The following SLC22A2 variants were observed in gnomAD, a reference collection of about 807,000 sequenced individuals.
SLC22A2 encodes the protein solute carrier family 22 member 2.
SLC22A2 carries 46 observed loss-of-function variants against 60.5 expected under a neutral mutation model. That is an observed-to-expected ratio of 0.76 (90% CI 0.60 to 0.97). SLC22A2 has a LOEUF of 0.97. Ranked by LOEUF, SLC22A2 falls within the 50% of genes least tolerant of loss-of-function variation. The pLI is 0.00. For synonymous variants in SLC22A2, 303 were observed against 267.0 expected (o/e 1.13, Z -1.31); for missense variants, 701 against 706.6 (o/e 0.99, Z 0.09).
chr6:160,219,634 A>G (rs564380213), intron 10 of SLC22A2, among the ~76,000 whole-genome samples: 3 of 150,908 alleles, frequency 2.0e-5, no homozygotes, highest in African/African-American at 7.3e-5. Flanking sequence ...AGTGGGGTTA[A>G]TAATAATAAC....
At chr6:160,231,783 C>T (rs1043250003) in intron 9 of SLC22A2, among the ~76,000 whole-genome samples, 7 of 151,892 alleles carry the variant, frequency 4.6e-5, no homozygotes, top group Admixed American at 2.6e-4. Flanking sequence ...TTTCCCCACT[C>T]CCCTTTCCAT....
chr6:160,252,253 A>G (rs1431324623), intron 2 of SLC22A2, among the ~76,000 whole-genome samples: 1 of 152,210 alleles, frequency 6.6e-6, no homozygotes, highest in Non-Finnish European at 1.5e-5. Flanking sequence ...TATAATCTAT[A>G]AACATTGACT....
intron 7 of SLC22A2, 74 bp from the exon 8 acceptor site, chr6:160,242,476 C>T (rs1783026025): frequency 3.4e-6 from 3 of 874,834 alleles, no homozygotes; most frequent in Non-Finnish European, 5.9e-6. Context: ...CAGAGTGGGA[C>T]TGTAAGGACA....
intron 4 of SLC22A2, among the ~76,000 whole-genome samples, chr6:160,248,441 T>C (rs770898153): frequency 5.3e-5 from 8 of 152,182 alleles, no homozygotes; most frequent in Non-Finnish European, 1.0e-4. Context: ...CAGAGTTTTA[T>C]TGGCTTTTGG....
At chr6:160,229,476 C>T (rs745895016) in intron 9 of SLC22A2, among the ~76,000 whole-genome samples, 2 of 151,882 alleles carry the variant, frequency 1.3e-5, no homozygotes, top group East Asian at 1.9e-4. Flanking sequence ...TGGTCATTCA[C>T]CCACATTCCT....
intron 9 of SLC22A2, among the ~76,000 whole-genome samples, chr6:160,233,024 C>A (rs541891137): frequency 6.6e-6 from 1 of 151,974 alleles, no homozygotes; most frequent in Admixed American, 6.5e-5. Flanking sequence ...TCGTGGAAAT[C>A]TATCCTCAAG....
rs749467848 is a variant in SLC22A2 at position 160,256,727 on chromosome 6, G to A, written c.415-10C>T. The stretch of plus-strand genomic sequence containing the variant: ...CACATACCAGGTTAAACTGCCAGCA[G>A]GGGAGAAGTGTTCCAAGTTGGGAGA... On this transcript the variant is annotated splice_polypyrimidine_tract_variant and intron_variant, in intron 1 of 10. Transcript: ENST00000366953. The A allele has an allele frequency of 6.3e-7, 1 of 1,581,178 alleles. No homozygotes were observed. Among genetic ancestry groups the A allele is most frequent in the South Asian group, 1.1e-5 (1 of 90,210 alleles).
rs185555638 is a variant in SLC22A2, at chr6:160,243,193, T to C, written c.1279+379A>G. 2.6e-5 allele frequency among the ~76,000 whole-genome samples: 4 copies of C among 152,252 alleles called. No homozygotes were observed. In the East Asian group the frequency reaches 7.7e-4, roughly 29 times the overall value. On this transcript the variant is annotated intron_variant, in intron 7 of 10. Transcript: ENST00000366953. ...TTATGGATGGCATTTACTTACATTT[T>C]TCTCATTTATTCTGCAGGTTGATGC...
At chr6:160,242,088 T>C (rs1783018123) in intron 8 of SLC22A2, among the ~76,000 whole-genome samples, 1 of 152,162 alleles carries the variant, frequency 6.6e-6, no homozygotes, top group Non-Finnish European at 1.5e-5. Flanking sequence ...CAATTCAATT[T>C]TCTGTTCTCA....
At chr6:160,231,047 G>T (rs1782815994) in intron 9 of SLC22A2, among the ~76,000 whole-genome samples, 1 of 151,856 alleles carries the variant, frequency 6.6e-6, no homozygotes. Flanking sequence ...TGGAGGGTAA[G>T]TCCGTCCCCT....
At chr6:160,244,192 C>T (rs1293524511) in intron 6 of SLC22A2, 1 of 172,174 alleles carries the variant, frequency 5.8e-6, no homozygotes, top group African/African-American at 2.4e-5. Context: ...TCAAGTTATT[C>T]CCCTGCCTCA....
Position 160,258,431 on chromosome 6 carries a change from G to A in SLC22A2, c.327C>T (p.Ser109=). The A allele has an allele frequency of 6.2e-7, 1 of 1,614,082 alleles. No homozygotes were observed. Among genetic ancestry groups the A allele is most frequent in the Non-Finnish European group, 8.5e-7 (1 of 1,180,022 alleles). The change falls in exon 1 of 11, where the codon AGC becomes AGT. Residue 109 remains serine (S), a synonymous_variant. Coordinates refer to ENST00000366953, the MANE Select transcript of SLC22A2 (RefSeq NM_003058.4). ...GCAGGCGGCTCCTGTTGGTGTCCAG[G>A]CTGGCCAGGGGGTCCACGCAGTCGA... ...STFDCVDPLA[S]LDTNRSRLPL... is the part of the protein sequence containing the mutation.
rs57371881 is a variant in SLC22A2 at position 160,250,694 on chromosome 6, C to T, written c.527G>A (p.Arg176His). 58 of 1,613,390 alleles carry T rather than the reference C, an allele frequency of 3.6e-5. No homozygotes were observed. Among genetic ancestry groups the T allele is most frequent in the Admixed American group, 8.3e-5 (5 of 59,940 alleles). Residue 176 changes from arginine (R) to histidine (H), a missense_variant, in exon 3 of 11, where the codon CGT (arginine) becomes CAT (histidine). By Grantham distance (29) the Arg-to-His change is conservative (BLOSUM62 0). Coordinates refer to ENST00000366953, the MANE Select transcript of SLC22A2 (RefSeq NM_003058.4). ...SIGYIADRFG[R>H]KLCLLTTVLI... The stretch of plus-strand genomic sequence containing the variant: ...GACTGTAGTTAGGAGGCAGAGCTTA[C>T]GGCCAAACCTGCAGGAAGAAAAACA...
At chr6:160,224,970 A>G (rs1782700655) in intron 9 of SLC22A2, among the ~76,000 whole-genome samples, 166 bp from the exon 10 acceptor site, 2 of 152,278 alleles carry the variant, frequency 1.3e-5, no homozygotes, top group East Asian at 1.9e-4. Flanking sequence ...TAAATATTAT[A>G]CCAGTTCCAA....
At chr6:160,237,480 T>C (rs972537190) in intron 9 of SLC22A2, among the ~76,000 whole-genome samples, 2 of 152,206 alleles carry the variant, frequency 1.3e-5, no homozygotes, top group Non-Finnish European at 2.9e-5. Context: ...CTCAGAGTTA[T>C]GAATGGCCCT....
intron 9 of SLC22A2, among the ~76,000 whole-genome samples, chr6:160,227,427 T>C (rs1272775311): frequency 6.6e-6 from 1 of 152,218 alleles, no homozygotes; most frequent in East Asian, 1.9e-4. Context: ...CTTTGTGTTG[T>C]CTTGCTTTTC....
intron 9 of SLC22A2, among the ~76,000 whole-genome samples, chr6:160,238,407 T>A (rs1782947385): frequency 6.6e-6 from 1 of 152,232 alleles, no homozygotes; most frequent in African/African-American, 2.4e-5. Context: ...TCAGCTGGCA[T>A]CTGAATCTCT....
At chr6:160,248,259 C>T (rs747972101) in intron 4 of SLC22A2, among the ~76,000 whole-genome samples, 1 of 152,132 alleles carries the variant, frequency 6.6e-6, no homozygotes, top group Non-Finnish European at 1.5e-5. Flanking sequence ...TTTTTCTTCA[C>T]CATGTGAGGG....
intron 6 of SLC22A2, 92 bp from the exon 7 acceptor site, chr6:160,243,878 T>A: frequency 2.4e-6 from 2 of 828,254 alleles, no homozygotes; most frequent in Admixed American, 2.2e-5. Flanking sequence ...GGATTGTAGG[T>A]CACCTTTCCC....
Sources: allele counts gnomAD v4.1 joint callset (sites outside exome capture counted in the v4.1 genomes callset), GRCh38; gene constraint gnomAD v4.1.1; transcripts MANE v1.5; gene names NCBI Gene and HGNC (gene_info 2026-07-23, HGNC 2026-07-21).